PLXNA3: variants seen among roughly 807,000 people sequenced by gnomAD.
PLXNA3 encodes the protein plexin-A3.
In PLXNA3, 52 loss-of-function variants were observed where a neutral mutation model predicts 118.8. The observed-to-expected ratio is 0.44, with a 90% CI of 0.35 to 0.55. The LOEUF is 0.55. PLXNA3 is among the 20% of genes least tolerant of loss of function. PLXNA3 has a pLI of 0.01. For missense variants in PLXNA3, 1,660 were observed against 1,730.8 expected, an observed-to-expected ratio of 0.96 and a Z score of 0.73; for synonymous variants, 925 against 762.4, an observed-to-expected ratio of 1.21 and a Z score of -3.51.
chrX:154,469,675 C>G lies in PLXNA3; in HGVS notation c.4699-13C>G. The G allele has an allele frequency of 2.5e-6, 3 of 1,201,215 alleles. No homozygotes were observed. Among genetic ancestry groups the G allele is most frequent in the Non-Finnish European group, 3.4e-6 (3 of 885,884 alleles). The stretch of plus-strand genomic sequence containing the variant: ...CTTCCTGCACTGCCCCCCTCTGTCT[C>G]TGGGGCCTCCAGGTGACAGACGGTT... On this transcript the variant is annotated splice_polypyrimidine_tract_variant and intron_variant, in intron 27 of 32. Coordinates refer to ENST00000369682, the MANE Select transcript of PLXNA3 (RefSeq NM_017514.5).
At chrX:154,471,000 T>A (rs2069175550) in intron 30 of PLXNA3, 105 bp from the exon 31 acceptor site, 5 of 624,348 alleles carry the variant, frequency 8.0e-6, no homozygotes, top group Non-Finnish European at 1.0e-5. Flanking sequence ...TCACCACCTC[T>A]GGACAAGATG....
rs782189650 is a variant in PLXNA3, at chrX:154,467,309, G to C, written c.3279G>C (p.Ala1093=). 1 of 1,206,298 alleles carries C rather than the reference G, an allele frequency of 8.3e-7. No individual in the cohort carries two copies. Among genetic ancestry groups the C allele is most frequent in the African/African-American group, 1.7e-5 (1 of 57,486 alleles). ...GIFLGRPQPR[A]QGEHPDEFGF... is the part of the protein sequence containing the mutation. ...TTCTTGGGCGGCCCCAGCCTCGGGC[G>C]CAAGGCGAGCACCCTGATGAGTTTG... is the stretch of plus-strand genomic sequence containing the variant. Residue 1093 remains alanine (A), a synonymous_variant, in exon 19 of 33, where the codon GCG becomes GCC. Coordinates refer to ENST00000369682, the MANE Select transcript of PLXNA3 (RefSeq NM_017514.5).
intron 1 of PLXNA3, 146 bp from the exon 2 acceptor site, chrX:154,460,011 G>A (rs1454974419): frequency 4.7e-6 from 2 of 426,399 alleles, no homozygotes; most frequent in Admixed American, 4.3e-5. Context: ...GCCTGCCCTC[G>A]CTGGCTGCTC....
In PLXNA3 at chrX:154,460,540, C is replaced by G. The variant is rs201273244; in HGVS notation, c.357C>G (p.Ile119Met). ...LVACGSIWQG[I>M]CQFLRLDDLF... ...CCTGCGGCAGCATCTGGCAGGGCAT[C>G]TGCCAGTTCCTGCGTCTGGACGACC... The change falls in exon 2 of 33, where the codon ATC (isoleucine) becomes ATG (methionine). Residue 119 changes from isoleucine to methionine, a missense_variant. Coordinates refer to ENST00000369682, the MANE Select transcript of PLXNA3 (RefSeq NM_017514.5). 11 of 1,208,987 alleles carry G rather than the reference C, an allele frequency of 9.1e-6. No homozygotes were observed. In the East Asian group the frequency reaches 3.0e-4, roughly 33 times the overall value.
chrX:154,462,597 G>A (rs1233529921), intron 4 of PLXNA3, among the ~76,000 whole-genome samples: 3 of 112,222 alleles, frequency 2.7e-5, no homozygotes, highest in Non-Finnish European at 5.6e-5. Flanking sequence ...TGCCACGAGA[G>A]CAGGCCTGGG....
rs1281461754 is a variant in PLXNA3 at position 154,474,579 on chromosome X, G to A, written c.*1894G>A. ...TGCAAGCTCCGCCTCCCAGGTTCACGCCATTCTCCTGCCTCAGCCTCCCGA... is the reference window on the plus strand; with the variant it reads ...TGCAAGCTCCGCCTCCCAGGTTCACACCATTCTCCTGCCTCAGCCTCCCGA... On this transcript the variant is annotated 3_prime_UTR_variant, in exon 33 of 33. Coordinates refer to ENST00000369682, the MANE Select transcript of PLXNA3 (RefSeq NM_017514.5). 2 of 106,743 alleles carry A rather than the reference G, an allele frequency of 1.9e-5. No individual in the cohort carries two copies. Among genetic ancestry groups the A allele is most frequent in the African/African-American group, 3.4e-5 (1 of 29,111 alleles). 8.8% of individuals were successfully genotyped at this position (106,743 alleles called of 1,213,427 possible).
rs1428920955 is a variant in PLXNA3 at position 154,472,980 on chromosome X, C to T, written c.*295C>T. On this transcript the variant is annotated 3_prime_UTR_variant, in exon 33 of 33. Transcript: ENST00000369682. The stretch of plus-strand genomic sequence containing the variant: ...GTCCCACCCTCCCTGCTATTTATAT[C>T]CCTCTGCCTATTTATTGAATCGAAC... 2 of 248,978 alleles carry T rather than the reference C, an allele frequency of 8.0e-6. No homozygotes were observed. Among genetic ancestry groups the T allele is most frequent in the Non-Finnish European group, 1.5e-5 (2 of 135,189 alleles). 20.5% of individuals were successfully genotyped at this position (248,978 alleles called of 1,213,427 possible).
rs60361517 is a variant in PLXNA3 at position 154,467,565 on chromosome X, T to A, written c.3462T>A (p.Ala1154=). 50 of 1,188,836 alleles carry A rather than the reference T, an allele frequency of 4.2e-5. No homozygotes were observed. The highest frequency in any genetic ancestry group is 5.3e-5 in the Non-Finnish European group (47 of 885,446). ...CCCAGGGCAAGAACCTGATTCCCGC[T>A]GCAGCCGGCAGCTCCCGCCTCAACT... is the stretch of plus-strand genomic sequence containing the variant. ...VVLKGKNLIP[A]AAGSSRLNYT... The change falls in exon 20 of 33, where the codon GCT becomes GCA. Residue 1154 remains alanine (A), a synonymous_variant. Coordinates refer to ENST00000369682, the MANE Select transcript of PLXNA3 (RefSeq NM_017514.5).
chrX:154,468,250 C>T (rs376649079), intron 22 of PLXNA3, 26 bp downstream of exon 22: 5 of 1,178,667 alleles, frequency 4.2e-6, no homozygotes, highest in Middle Eastern at 2.4e-4. Flanking sequence ...GCCTGCCCCC[C>T]ACCATTCCCT....
In PLXNA3 at chrX:154,467,170, C is replaced by T. The variant is rs782447896; in HGVS notation, c.3201+20C>T. ...ACCAATGTGAGTACCAGCTGCCCCG[C>T]CCCACCCCGACCCTGCAGCCCATGG... On this transcript the variant is annotated intron_variant, in intron 18 of 32. Coordinates refer to ENST00000369682, the MANE Select transcript of PLXNA3 (RefSeq NM_017514.5). 1.6e-5 allele frequency: 19 copies of T among 1,206,553 alleles called. No homozygotes were observed. Among genetic ancestry groups the T allele is most frequent in the Non-Finnish European group, 2.0e-5 (18 of 892,618 alleles).
At chrX:154,460,089 G>A (rs1395042860) in intron 1 of PLXNA3, 68 bp from the exon 2 acceptor site, 26 of 584,772 alleles carry the variant, frequency 4.4e-5, no homozygotes, top group Non-Finnish European at 6.6e-5. Context: ...CTTTGGCGGG[G>A]TGGTGGGTGA....
intron 27 of PLXNA3, 94 bp downstream of exon 27, chrX:154,469,576 C>T (rs1396993767): frequency 1.1e-6 from 1 of 940,381 alleles, no homozygotes; most frequent in African/African-American, 1.9e-5. Flanking sequence ...GGCCCTGGCT[C>T]CCCTCGCCCT....
Position 154,470,504 on chromosome X carries a change from C to T in PLXNA3, c.5049C>T (p.Gly1683=). ...FETVFSTAHR[G]SALPLAIKYM... ...CAGTGTTCAGCACAGCCCACCGGGG[C>T]TCGGCCCTGCCCCTGGCCATCAAGT... The change falls in exon 30 of 33, where the codon GGC becomes GGT. Residue 1683 remains glycine (G), a synonymous_variant. Transcript: ENST00000369682. 1 of 1,211,172 alleles carries T rather than the reference C, an allele frequency of 8.3e-7. No homozygotes were observed. The highest frequency in any genetic ancestry group is 1.1e-6 in the Non-Finnish European group (1 of 894,865).
intron 14 of PLXNA3, 32 bp downstream of exon 14, chrX:154,466,112 A>G (rs1557206959): frequency 8.3e-7 from 1 of 1,209,945 alleles, no homozygotes; most frequent in Non-Finnish European, 1.1e-6. Context: ...CCCGGGCCGT[A>G]TGTGGCCTGG....
At chrX:154,469,588 C>G in intron 27 of PLXNA3, 100 bp from the exon 28 acceptor site, 2 of 930,673 alleles carry the variant, frequency 2.1e-6, no homozygotes, top group South Asian at 4.1e-5. Context: ...CCTCGCCCTT[C>G]TCCCTGGGCT....
rs782682383 is a variant in PLXNA3, at chrX:154,465,711, C to T, written c.2396C>T (p.Ala799Val). 1.7e-6 allele frequency: 2 copies of T among 1,210,342 alleles called. No individual in the cohort carries two copies. Among genetic ancestry groups the T allele is most frequent in the South Asian group, 3.5e-5 (2 of 56,991 alleles). ...QRPSCGLCLK[A>V]DPRFNCGWCI... ...CCCAGCTGTGGCCTCTGCCTCAAGG[C>T]TGATCCCCGCTTCAACTGTGGCTGG... Residue 799 changes from alanine (A) to valine (V), a missense_variant, in exon 13 of 33, where the codon GCT (alanine) becomes GTT (valine). Transcript: ENST00000369682.
At position 154,467,951 on chromosome X, in the gene PLXNA3, A is replaced by G; in HGVS notation, c.3770A>G (p.Gln1257Arg). The G allele has an allele frequency of 8.3e-7, 1 of 1,211,079 alleles. No homozygotes were observed. The highest frequency in any genetic ancestry group is 1.1e-6 in the Non-Finnish European group (1 of 895,182). ...GCGGACCGTACCCTCAAGCGTCTGC[A>G]GCTGCAGATGGACAACCTGGAGTCC... is the stretch of plus-strand genomic sequence containing the variant. ...QDADRTLKRL[Q>R]LQMDNLESRV... The change falls in exon 21 of 33, where the codon CAG becomes CGG. Residue 1257 changes from glutamine to arginine, a missense_variant. Gln to Arg is a conservative substitution (Grantham distance 43). Coordinates refer to ENST00000369682, the MANE Select transcript of PLXNA3 (RefSeq NM_017514.5).
chrX:154,460,486 C>G lies in PLXNA3; in HGVS notation c.303C>G (p.Leu101=). The G allele has an allele frequency of 2.5e-6, 3 of 1,209,561 alleles. No homozygotes were observed. The highest frequency in any genetic ancestry group is 3.4e-6 in the Non-Finnish European group (3 of 894,338). Residue 101 remains leucine, a synonymous_variant, in exon 2 of 33, where the codon CTC becomes CTG. Coordinates refer to ENST00000369682, the MANE Select transcript of PLXNA3 (RefSeq NM_017514.5). ...APVDNINKLL[L]IDYAARRLVA... is the part of the protein sequence containing the mutation. Reference sequence around the variant, plus strand: ...TGGACAACATCAACAAGCTGCTGCTCATAGACTATGCGGCCCGCCGCCTGG... The same window carrying G: ...TGGACAACATCAACAAGCTGCTGCTGATAGACTATGCGGCCCGCCGCCTGG...
intron 5 of PLXNA3, 27 bp from the exon 6 acceptor site, chrX:154,463,563 G>GGGGGGC: frequency 1.0e-6 from 1 of 990,600 alleles, no homozygotes; most frequent in African/African-American, 2.2e-5. Context: ...GCGGGGGTGG[G>GGGGGGC]CTGGGTGCTG....
Sources: gnomAD v4.1 joint callset for allele counts (sites outside exome capture counted in the v4.1 genomes callset) on GRCh38, gnomAD v4.1.1 for gene constraint, MANE v1.5 for transcripts, NCBI Gene and HGNC (gene_info 2026-07-23, HGNC 2026-07-21) for gene names.